TECRL: variants seen among roughly 807,000 people sequenced by gnomAD.
The protein encoded by TECRL is trans-2,3-enoyl-CoA reductase-like.
TECRL carries 63 observed loss-of-function variants against 52.8 expected under a neutral mutation model. The observed-to-expected ratio is 1.19, with a 90% CI of 0.97 to 1.47. TECRL has a LOEUF of 1.47. Ranked by LOEUF, TECRL falls within the 40% of genes most tolerant of loss-of-function variation. The probability of loss-of-function intolerance (pLI) is 0.00; values close to 1 mark genes in which losing one functional copy is unlikely to be tolerated. For missense variants in TECRL, 482 were observed against 429.6 expected (o/e 1.12, Z -1.08); for synonymous variants, 164 against 141.9 (o/e 1.16, Z -1.10).
At chr4:64,277,067 A>C, downstream of TECRL, 3 of 1,496,114 alleles carry the variant, frequency 2.0e-6, no homozygotes, top group Non-Finnish European at 2.7e-6. Context: ...AATAAAAATG[A>C]GAAATAAATT....
chr4:64,289,926 T>C (rs955996401), intron 8 of TECRL, among the ~76,000 whole-genome samples, 159 bp from the exon 9 acceptor site: 2 of 152,204 alleles, frequency 1.3e-5, no homozygotes, highest in Admixed American at 6.6e-5. Flanking sequence ...TTTTTAATTA[T>C]AACAATGAAA....
chr4:64,354,988 A>G (rs1285637849), intron 2 of TECRL, among the ~76,000 whole-genome samples: 4 of 152,208 alleles, frequency 2.6e-5, no homozygotes, highest in African/African-American at 9.6e-5. Context: ...GAGTAAGTAA[A>G]GTAGAGTGGA....
At chr4:64,354,841 A>G (rs1720651039) in intron 2 of TECRL, among the ~76,000 whole-genome samples, 1 of 152,228 alleles carries the variant, frequency 6.6e-6, no homozygotes, top group African/African-American at 2.4e-5. Flanking sequence ...TGAGACAATT[A>G]GAATGATAGA....
At chr4:64,408,258 C>A (rs1016136879) in intron 1 of TECRL, among the ~76,000 whole-genome samples, 18 of 151,916 alleles carry the variant, frequency 1.2e-4, no homozygotes, top group African/African-American at 3.9e-4. Flanking sequence ...TGATTGATTG[C>A]ATTTTATTTT....
intron 1 of TECRL, among the ~76,000 whole-genome samples, chr4:64,407,746 A>T (rs1223407526): frequency 6.6e-6 from 1 of 151,540 alleles, no homozygotes; most frequent in Non-Finnish European, 1.5e-5. Context: ...TATTATAAAC[A>T]TTAGCAACTT....
chr4:64,323,642 C>T (rs1404819033), intron 3 of TECRL, among the ~76,000 whole-genome samples: 1 of 152,058 alleles, frequency 6.6e-6, no homozygotes, highest in African/African-American at 2.4e-5. Flanking sequence ...CCAGCTGGAG[C>T]TGATGTTTGT....
At chr4:64,303,752 A>C (rs1173659614) in intron 7 of TECRL, among the ~76,000 whole-genome samples, 1 of 151,838 alleles carries the variant, frequency 6.6e-6, no homozygotes, top group African/African-American at 2.4e-5. Context: ...ACTGTTGTAG[A>C]AGTCACATTA....
At chr4:64,281,380 T>C in intron 10 of TECRL, 94 bp downstream of exon 10, 1 of 758,990 alleles carries the variant, frequency 1.3e-6, no homozygotes, top group African/African-American at 1.8e-5. Flanking sequence ...ATTTTTCCTG[T>C]ATATATTAAT....
At position 64,382,206 on chromosome 4, in the gene TECRL, T is replaced by C. The variant is rs1722845368; in HGVS notation, c.235-6983A>G. On this transcript the variant is annotated intron_variant, in intron 1 of 11. Coordinates refer to ENST00000381210, the MANE Select transcript of TECRL (RefSeq NM_001010874.5). ...GGAAATTTCTGTATATATATATATA[T>C]ATATATATATATATATATATATATA... Among the ~76,000 whole-genome samples the C allele has an allele frequency of 3.6e-3, 7 of 1,970 alleles. 1 individual carries two copies. The South Asian group carries it at 0.39, about 109-fold the overall frequency. 1.3% of individuals were successfully genotyped at this position (1,970 alleles called of 152,430 possible).
chr4:64,328,562 C>A lies in TECRL; in HGVS notation c.287-6G>T. The A allele has an allele frequency of 6.2e-7, 1 of 1,607,120 alleles. No individual in the cohort carries two copies. Among genetic ancestry groups the A allele is most frequent in the Non-Finnish European group, 8.5e-7 (1 of 1,176,022 alleles). On this transcript the variant is annotated splice_polypyrimidine_tract_variant and splice_region_variant and intron_variant, in intron 2 of 11. Coordinates refer to ENST00000381210, the MANE Select transcript of TECRL (RefSeq NM_001010874.5). The stretch of plus-strand genomic sequence containing the variant: ...AGAAGGGTACCACTTTGGACCTATT[C>A]AATGAAAAATAACATTTAATTGTCA...
chr4:64,289,651 A>T, intron 9 of TECRL, 59 bp downstream of exon 9: 2 of 1,246,048 alleles, frequency 1.6e-6, no homozygotes, highest in Non-Finnish European at 2.2e-6. Flanking sequence ...AAGTAAGATT[A>T]TAAAAATAAT....
intron 8 of TECRL, among the ~76,000 whole-genome samples, chr4:64,292,471 G>C (rs999044933): frequency 2.0e-5 from 3 of 151,762 alleles, no homozygotes; most frequent in African/African-American, 7.3e-5. Flanking sequence ...AAAATACTAA[G>C]AAAACATTGC....
chr4:64,380,838 G>C (rs1186454277), intron 1 of TECRL, among the ~76,000 whole-genome samples: 1 of 151,986 alleles, frequency 6.6e-6, no homozygotes, highest in African/African-American at 2.4e-5. Flanking sequence ...GATGCCTCCA[G>C]CTTTGTTTCT....
intron 8 of TECRL, among the ~76,000 whole-genome samples, chr4:64,290,959 CTTAAG>C (rs778520099): frequency 2.0e-5 from 3 of 152,034 alleles, no homozygotes; most frequent in Non-Finnish European, 2.9e-5. Flanking sequence ...CTTTTGGTTT[CTTAAG>C]TTATCATTAG....
intron 10 of TECRL, 47 bp downstream of exon 10, chr4:64,281,427 G>C (rs1560467231): frequency 8.9e-7 from 1 of 1,120,534 alleles, no homozygotes; most frequent in Non-Finnish European, 1.3e-6. Context: ...CATGCATTTA[G>C]TATATCATGA....
intron 7 of TECRL, among the ~76,000 whole-genome samples, chr4:64,303,881 C>T (rs868600446): frequency 1.6e-4 from 25 of 151,734 alleles, no homozygotes; most frequent in African/African-American, 6.0e-4. Flanking sequence ...TATTAAAATG[C>T]TATAATATGT....
chr4:64,289,649 T>C, intron 9 of TECRL, 61 bp downstream of exon 9: 1 of 1,233,004 alleles, frequency 8.1e-7, no homozygotes, highest in Non-Finnish European at 1.1e-6. Context: ...TGAAGTAAGA[T>C]TATAAAAATA....
At chr4:64,347,848 G>A (rs886398331) in intron 2 of TECRL, among the ~76,000 whole-genome samples, 7 of 151,922 alleles carry the variant, frequency 4.6e-5, no homozygotes, top group Non-Finnish European at 8.8e-5. Context: ...ACCCCATGGC[G>A]CCTCCCAAAT....
chr4:64,353,801 TA>T (rs67050982), intron 2 of TECRL, among the ~76,000 whole-genome samples: 100,611 of 151,472 alleles, frequency 0.66, 34,727 homozygotes, highest in Non-Finnish European at 0.76. Flanking sequence ...ACACCAGAAA[TA>T]AAAAAAAGTA....
Sources: allele counts gnomAD v4.1 joint callset (sites outside exome capture counted in the v4.1 genomes callset), GRCh38; gene constraint gnomAD v4.1.1; transcripts MANE v1.5; gene names NCBI Gene and HGNC (gene_info 2026-07-23, HGNC 2026-07-21).